Variants in MTUS2 observed in about 807,000 individuals in gnomAD.
MTUS2 encodes microtubule associated scaffold protein 2.
In MTUS2, 40 loss-of-function variants were observed where a neutral mutation model predicts 114.1. The ratio of observed to expected loss-of-function variants is 0.35; its 90% CI spans 0.27 to 0.46. The LOEUF is 0.46. Among genes scored for constraint, MTUS2 ranks in the 20% least tolerant of loss-of-function variants. The pLI, the probability that MTUS2 is intolerant of heterozygous loss-of-function variation, is 1.00. For synonymous variants in MTUS2, 688 were observed against 672.0 expected, an observed-to-expected ratio of 1.02 and a Z score of -0.37; for missense variants, 1,679 against 1,705.4, an observed-to-expected ratio of 0.98 and a Z score of 0.27.
intron 2 of MTUS2, among the ~76,000 whole-genome samples, chr13:28,947,060 G>A (rs941656214): frequency 3.3e-5 from 5 of 152,166 alleles, no homozygotes; most frequent in African/African-American, 1.2e-4. Context: ...AGGGCCCCCA[G>A]GAAAGAATAT....
At chr13:28,852,539 C>T (rs11842937) in intron 2 of MTUS2, among the ~76,000 whole-genome samples, 15,927 of 152,094 alleles carry the variant, frequency 0.1, 1,669 homozygotes, top group African/African-American at 0.27. Flanking sequence ...ATATTTGTTT[C>T]TGAGCAACAC....
intron 7 of MTUS2, among the ~76,000 whole-genome samples, chr13:29,332,638 T>C (rs1221183998): frequency 3.2e-5 from 3 of 95,048 alleles, no homozygotes; most frequent in African/African-American, 8.0e-5. Context: ...TAATTCTTTT[T>C]TTTTTTTTTT....
At chr13:29,319,173 G>T (rs372239283) in intron 6 of MTUS2, among the ~76,000 whole-genome samples, 1 of 152,166 alleles carries the variant, frequency 6.6e-6, no homozygotes, top group African/African-American at 2.4e-5. Context: ...TTCTCTGGCC[G>T]GCATTGTATT....
intron 9 of MTUS2, among the ~76,000 whole-genome samples, chr13:29,467,301 A>G (rs1186399947): frequency 6.6e-6 from 1 of 152,236 alleles, no homozygotes; most frequent in East Asian, 1.9e-4. Flanking sequence ...AGATGATGGT[A>G]CCTTACAATT....
intron 15 of MTUS2, 133 bp from the exon 16 acceptor site, chr13:29,502,860 C>A: frequency 1.2e-6 from 1 of 831,538 alleles, no homozygotes; most frequent in Non-Finnish European, 1.9e-6. Context: ...AGTTCTTGGT[C>A]ACTGGGTCAC....
At chr13:29,390,162 T>TG (rs146459770) in intron 8 of MTUS2, among the ~76,000 whole-genome samples, 45,065 of 118,788 alleles carry the variant, frequency 0.38, 10,973 homozygotes, top group Admixed American at 0.53. Context: ...ACACACACAC[T>TG]TGTGTGTGTG....
intron 7 of MTUS2, among the ~76,000 whole-genome samples, chr13:29,351,358 C>T (rs955624763): frequency 3.9e-5 from 6 of 152,046 alleles, no homozygotes; most frequent in African/African-American, 9.7e-5. Context: ...TAAATTGAAT[C>T]GTGGCAGGAA....
At chr13:29,421,993 A>G (rs918702038) in intron 8 of MTUS2, among the ~76,000 whole-genome samples, 1 of 152,222 alleles carries the variant, frequency 6.6e-6, no homozygotes, top group Non-Finnish European at 1.5e-5. Flanking sequence ...TTGTTTGTAT[A>G]TTTGTTTGTA....
intron 4 of MTUS2, among the ~76,000 whole-genome samples, chr13:29,075,178 A>G (rs745703008): frequency 5.3e-5 from 8 of 152,330 alleles, no homozygotes; most frequent in Non-Finnish European, 1.0e-4. Context: ...TACACCATAT[A>G]TCAGCATTTC....
chr13:28,961,059 A>T (rs189938048), intron 2 of MTUS2, among the ~76,000 whole-genome samples: 1 of 152,294 alleles, frequency 6.6e-6, no homozygotes, highest in East Asian at 1.9e-4. Context: ...AGTGAGTTGG[A>T]ACATAGGATA....
chr13:29,243,524 GC>G (rs1237503372), intron 5 of MTUS2, among the ~76,000 whole-genome samples: 4 of 152,178 alleles, frequency 2.6e-5, no homozygotes, highest in Non-Finnish European at 5.9e-5. Context: ...AAATTAATGG[GC>G]CATAATTGCA....
At chr13:29,215,727 C>T (rs1016748477) in intron 5 of MTUS2, among the ~76,000 whole-genome samples, 1 of 152,144 alleles carries the variant, frequency 6.6e-6, no homozygotes, top group African/African-American at 2.4e-5. Flanking sequence ...GCAAAGATTG[C>T]TGCCTGTTCC....
At chr13:29,426,462 A>G (rs1339754964) in intron 8 of MTUS2, among the ~76,000 whole-genome samples, 1 of 152,224 alleles carries the variant, frequency 6.6e-6, no homozygotes, top group African/African-American at 2.4e-5. Flanking sequence ...GTATATTCGC[A>G]TTGTAGTGCG....
intron 8 of MTUS2, among the ~76,000 whole-genome samples, chr13:29,411,019 G>A (rs762400593): frequency 5.3e-5 from 8 of 151,894 alleles, no homozygotes; most frequent in Non-Finnish European, 1.2e-4. Flanking sequence ...TTTAGTAGAG[G>A]TGGGGTTTCG....
At chr13:29,171,145 T>A (rs1028282457) in intron 5 of MTUS2, among the ~76,000 whole-genome samples, 29 of 151,266 alleles carry the variant, frequency 1.9e-4, no homozygotes, top group Non-Finnish European at 3.4e-4. Context: ...AGAGAGAGTG[T>A]GTGTGTGTGT....
intron 2 of MTUS2, among the ~76,000 whole-genome samples, chr13:28,972,674 C>T (rs532297161): frequency 3.7e-4 from 56 of 152,262 alleles, no homozygotes; most frequent in African/African-American, 1.3e-3. Flanking sequence ...TTGAGAATGG[C>T]TTTCCCGTTC....
intron 8 of MTUS2, among the ~76,000 whole-genome samples, chr13:29,425,770 CCAA>C (rs1190922278): frequency 6.6e-6 from 1 of 152,146 alleles, no homozygotes; most frequent in Non-Finnish European, 1.5e-5. Flanking sequence ...TGCGATTTCA[CCAA>C]CATAGGAAGG....
In MTUS2 at chr13:28,949,348, T is replaced by C. The variant is rs141459611; in HGVS notation, c.-242-75109T>C. 3.7e-3 allele frequency among the ~76,000 whole-genome samples: 564 copies of C among 152,338 alleles called. 4 individuals are homozygous for C. Among genetic ancestry groups the C allele is most frequent in the African/African-American group, 0.013 (545 of 41,580 alleles). ...GCTTTTAGAATGCTTTTGGGTTTGCTTACTTGTTTCCAGCTTCTCTCTGTT... is the reference window on the plus strand; with the variant it reads ...GCTTTTAGAATGCTTTTGGGTTTGCCTACTTGTTTCCAGCTTCTCTCTGTT... On this transcript the variant is annotated intron_variant, in intron 2 of 15. Transcript: ENST00000612955.
At chr13:29,469,677 C>T (rs1187041248) in intron 9 of MTUS2, among the ~76,000 whole-genome samples, 1 of 150,258 alleles carries the variant, frequency 6.7e-6, no homozygotes, top group African/African-American at 2.5e-5. Flanking sequence ...TGCAGTGGCT[C>T]ACACCCATAA....
Sources: gnomAD v4.1 joint callset for allele counts (sites outside exome capture counted in the v4.1 genomes callset) on GRCh38, gnomAD v4.1.1 for gene constraint, MANE v1.5 for transcripts, NCBI Gene and HGNC (gene_info 2026-07-23, HGNC 2026-07-21) for gene names.